The following FBXO28 variants were observed in gnomAD, a reference collection of about 807,000 sequenced individuals.
FBXO28 encodes the protein F-box protein 28.
Under a neutral mutation model 38.1 loss-of-function variants are expected in FBXO28, and 8 were observed. The ratio of observed to expected loss-of-function variants is 0.21; its 90% CI spans 0.12 to 0.38. The LOEUF (loss-of-function observed/expected upper bound fraction) is 0.38, where lower values mean the gene tolerates loss of function less well. Among genes scored for constraint, FBXO28 ranks in the 10% least tolerant of loss-of-function variants. The pLI is 1.00. For synonymous variants in FBXO28, 168 were observed against 173.8 expected (o/e 0.97, Z 0.26); for missense variants, 345 against 460.6 (o/e 0.75, Z 2.30).
Position 224,153,293 on chromosome 1 carries a change from T to G in FBXO28, c.668T>G (p.Leu223Ter). Residue 223 changes from leucine to a stop codon, truncating the protein, a stop_gained, in exon 4 of 5, where the codon TTA (leucine) becomes TGA (stop). Coordinates refer to ENST00000366862, the MANE Select transcript of FBXO28 (RefSeq NM_015176.4). LOFTEE classifies it high-confidence loss of function. ...ATTGTTCCAATTTTAAAGAGGAAAT[T>G]ACCAGGATCAGATGTTTCTGGAAGA... ...EKIVPILKRK[L>*]PGSDVSGRLM... The G allele has an allele frequency of 6.2e-7, 1 of 1,610,822 alleles. No homozygotes were observed. Among genetic ancestry groups the G allele is most frequent in the Non-Finnish European group, 8.5e-7 (1 of 1,178,664 alleles).
chr1:224,125,288 A>G (rs1308314341), intron 1 of FBXO28, among the ~76,000 whole-genome samples: 2 of 151,940 alleles, frequency 1.3e-5, no homozygotes, highest in Non-Finnish European at 2.9e-5. Flanking sequence ...GTACCTGGCT[A>G]TGCTTAAAAT....
intron 3 of FBXO28, 57 bp downstream of exon 3, chr1:224,134,269 C>T: frequency 1.9e-6 from 3 of 1,543,320 alleles, no homozygotes; most frequent in East Asian, 2.3e-5. Context: ...ACTTATTATA[C>T]AGTTATGAAT....
In FBXO28 at chr1:224,134,617, C is replaced by T. The variant is rs116978542; in HGVS notation, c.516+405C>T. Among the ~76,000 whole-genome samples, 7 of 152,178 alleles carry T rather than the reference C, an allele frequency of 4.6e-5. No individual in the cohort carries two copies. In the East Asian group the frequency reaches 7.7e-4, roughly 17 times the overall value. On this transcript the variant is annotated intron_variant, in intron 3 of 4. Transcript: ENST00000366862. ...GTTTTGTTTGAGAAATGTTTCATAA[C>T]GACAACTTTATAAACTTTCTGATTT...
At position 224,151,893 on chromosome 1, in the gene FBXO28, T is replaced by C. The variant is rs367919191; in HGVS notation, c.517-1249T>C. 9.9e-5 allele frequency among the ~76,000 whole-genome samples: 15 copies of C among 152,098 alleles called. No individual in the cohort carries two copies. The East Asian group carries it at 1.7e-3, about 18-fold the overall frequency. On this transcript the variant is annotated intron_variant, in intron 3 of 4. Transcript: ENST00000366862. ...CCCTGTCTCTACTAAAAATACAAAA[T>C]TAGCCAGGTGTGGTGGCACATGTCT... is the stretch of plus-strand genomic sequence containing the variant.
chr1:224,118,616 C>T, intron 1 of FBXO28, among the ~76,000 whole-genome samples: 1 of 152,302 alleles, frequency 6.6e-6, no homozygotes, highest in East Asian at 1.9e-4. Flanking sequence ...TTTATAGTTC[C>T]TTTCACATCT....
chr1:224,154,583 C>T (rs958583106), intron 4 of FBXO28, among the ~76,000 whole-genome samples: 4 of 151,714 alleles, frequency 2.6e-5, no homozygotes, highest in Admixed American at 6.6e-5. Flanking sequence ...CCAAGGCGGG[C>T]GGATCACGAG....
At chr1:224,116,405 T>C (rs890251461) in intron 1 of FBXO28, among the ~76,000 whole-genome samples, 2 of 152,170 alleles carry the variant, frequency 1.3e-5, no homozygotes, top group African/African-American at 4.8e-5. Flanking sequence ...CCTTCTTAAG[T>C]AGCCATTTAT....
intron 3 of FBXO28, among the ~76,000 whole-genome samples, chr1:224,146,700 A>AG (rs1657514721): frequency 1.1e-5 from 1 of 90,834 alleles, no homozygotes; most frequent in Non-Finnish European, 2.1e-5. Context: ...TATAAAACTA[A>AG]AATTTTTTTT....
At chr1:224,118,843 G>A (rs564561367) in intron 1 of FBXO28, among the ~76,000 whole-genome samples, 1 of 152,162 alleles carries the variant, frequency 6.6e-6, no homozygotes, top group East Asian at 1.9e-4. Context: ...ACTTACCTTG[G>A]AAAATTCTAG....
intron 3 of FBXO28, among the ~76,000 whole-genome samples, chr1:224,144,242 T>A (rs575193849): frequency 6.8e-6 from 1 of 147,510 alleles, no homozygotes; most frequent in South Asian, 2.2e-4. Flanking sequence ...GATAGGAGGA[T>A]CACTTGAGAC....
intron 3 of FBXO28, among the ~76,000 whole-genome samples, chr1:224,151,485 G>A (rs61826376): frequency 6.6e-6 from 1 of 152,192 alleles, no homozygotes; most frequent in African/African-American, 2.4e-5. Flanking sequence ...TCTAGAAAAT[G>A]TGAAGGGCTG....
Position 224,150,574 on chromosome 1 carries a change from T to C in FBXO28, c.517-2568T>C, listed in dbSNP as rs564641592. On this transcript the variant is annotated intron_variant, in intron 3 of 4. Transcript: ENST00000366862. The stretch of plus-strand genomic sequence containing the variant: ...GCTAGCTTCCACAAATATTTACTCT[T>C]TGGAGATATACATGTATATATAAAA... Among the ~76,000 whole-genome samples, 11 of 152,324 alleles carry C rather than the reference T, an allele frequency of 7.2e-5. No individual in the cohort carries two copies. In the South Asian group the frequency reaches 1.9e-3, roughly 26 times the overall value.
chr1:224,137,481 C>T (rs978623021), intron 3 of FBXO28, among the ~76,000 whole-genome samples: 1 of 151,420 alleles, frequency 6.6e-6, no homozygotes, highest in Non-Finnish European at 1.5e-5. Flanking sequence ...CAAGATCATG[C>T]CACTGCACTC....
At position 224,146,911 on chromosome 1, in the gene FBXO28, T is replaced by G. The variant is rs189514919; in HGVS notation, c.517-6231T>G. On this transcript the variant is annotated intron_variant, in intron 3 of 4. Transcript: ENST00000366862. Reference sequence around the variant, plus strand: ...TTAGTAGAGACAGGGTTTCACCATATTGGCCAGGCTGGTCTCGAACTCCTG... The same window carrying G: ...TTAGTAGAGACAGGGTTTCACCATAGTGGCCAGGCTGGTCTCGAACTCCTG... Among the ~76,000 whole-genome samples, 301 of 151,016 alleles carry G rather than the reference T, an allele frequency of 2.0e-3. 2 individuals carry two copies. Among genetic ancestry groups the G allele is most frequent in the Middle Eastern group, 6.8e-3 (2 of 292 alleles).
At chr1:224,118,111 T>C (rs1656687886) in intron 1 of FBXO28, among the ~76,000 whole-genome samples, 1 of 151,942 alleles carries the variant, frequency 6.6e-6, no homozygotes, top group Non-Finnish European at 1.5e-5. Flanking sequence ...GAAGCCTTGA[T>C]TTCCTGTATT....
chr1:224,127,031 C>T lies in FBXO28; in HGVS notation c.268-3441C>T, dbSNP rs377052705. On this transcript the variant is annotated intron_variant, in intron 1 of 4. Transcript: ENST00000366862. Reference sequence around the variant, plus strand: ...ATAACATAAAAGTTTTTTTTTTCCCCACATGAAGTTCAGTACTGGTGTTTG... The same window carrying T: ...ATAACATAAAAGTTTTTTTTTTCCCTACATGAAGTTCAGTACTGGTGTTTG... 2.5e-4 allele frequency among the ~76,000 whole-genome samples: 38 copies of T among 151,396 alleles called. No individual in the cohort carries two copies. The East Asian group carries it at 4.3e-3, about 17-fold the overall frequency.
chr1:224,156,476 C>T (rs550981735), intron 4 of FBXO28, among the ~76,000 whole-genome samples: 31 of 152,212 alleles, frequency 2.0e-4, no homozygotes, highest in African/African-American at 5.1e-4. Context: ...TTTCAGATTT[C>T]GGCTTTTTTT....
chr1:224,124,711 A>G (rs1656864364), intron 1 of FBXO28, among the ~76,000 whole-genome samples: 1 of 152,118 alleles, frequency 6.6e-6, no homozygotes, highest in Non-Finnish European at 1.5e-5. Flanking sequence ...AACAAAAGTT[A>G]TATGGTCTCT....
chr1:224,154,830 T>G (rs1657736027), intron 4 of FBXO28, among the ~76,000 whole-genome samples: 1 of 149,084 alleles, frequency 6.7e-6, no homozygotes, highest in Non-Finnish European at 1.5e-5. Flanking sequence ...AAAAAAAAAT[T>G]AGCCAAGCGT....
Sources: allele counts gnomAD v4.1 joint callset (sites outside exome capture counted in the v4.1 genomes callset), GRCh38; gene constraint gnomAD v4.1.1; transcripts MANE v1.5; gene names NCBI Gene and HGNC (gene_info 2026-07-23, HGNC 2026-07-21).